Variants in KIF6 observed in about 807,000 individuals in gnomAD.
The protein encoded by KIF6 is kinesin family member 6.
KIF6 carries 106 observed loss-of-function variants against 112.7 expected under a neutral mutation model. That is an observed-to-expected ratio of 0.94 (90% CI 0.80 to 1.11). The LOEUF is 1.11. KIF6 is among the 50% of genes least tolerant of loss of function. The pLI is 0.00. For missense variants in KIF6, 929 were observed against 964.0 expected (o/e 0.96, Z 0.48); for synonymous variants, 339 against 339.9 (o/e 1.00, Z 0.03).
At chr6:39,382,113 T>A (rs1023333183) in intron 16 of KIF6, among the ~76,000 whole-genome samples, 3 of 152,210 alleles carry the variant, frequency 2.0e-5, no homozygotes, top group African/African-American at 7.2e-5. Context: ...AAGATGAAAA[T>A]TGCCCCTAGA....
intron 13 of KIF6, among the ~76,000 whole-genome samples, chr6:39,452,152 C>T (rs1213881291): frequency 3.9e-5 from 6 of 152,330 alleles, no homozygotes; most frequent in South Asian, 4.1e-4. Flanking sequence ...AGAAGCAGAA[C>T]TGGATTGTGG....
At position 39,635,937 on chromosome 6, in the gene KIF6, G is replaced by A. The variant is rs537701251; in HGVS notation, c.400-979C>T. 5.3e-5 allele frequency among the ~76,000 whole-genome samples: 8 copies of A among 152,142 alleles called. No homozygotes were observed. The South Asian group carries it at 8.3e-4, about 16-fold the overall frequency. ...GCAAGCAGGTTGCCAGGGTGTCAGA[G>A]TGTATACTAACAGAGAATTTGCTTA... On this transcript the variant is annotated intron_variant, in intron 4 of 22. Coordinates refer to ENST00000287152, the MANE Select transcript of KIF6 (RefSeq NM_145027.6).
At chr6:39,367,057 C>G (rs1253745402) in intron 16 of KIF6, among the ~76,000 whole-genome samples, 1 of 152,142 alleles carries the variant, frequency 6.6e-6, no homozygotes, top group African/African-American at 2.4e-5. Context: ...CTCCACGACA[C>G]AAACTACCCA....
At chr6:39,613,058 G>T in intron 6 of KIF6, 131 bp downstream of exon 6, 1 of 644,026 alleles carries the variant, frequency 1.6e-6, no homozygotes, top group Non-Finnish European at 2.3e-6. Flanking sequence ...TGCATGTGAG[G>T]TTTGGACGAG....
chr6:39,710,143 A>G (rs542997509), intron 3 of KIF6, among the ~76,000 whole-genome samples: 5 of 152,316 alleles, frequency 3.3e-5, no homozygotes, highest in Admixed American at 6.5e-5. Flanking sequence ...TCTGCCCCCA[A>G]CTGTCTATTC....
chr6:39,512,052 C>A (rs926754840), intron 13 of KIF6, among the ~76,000 whole-genome samples: 18 of 152,144 alleles, frequency 1.2e-4, no homozygotes, highest in Admixed American at 2.0e-4. Flanking sequence ...ATGTAACAAA[C>A]CTGCACGTTG....
intron 15 of KIF6, among the ~76,000 whole-genome samples, chr6:39,395,267 T>C (rs984908451): frequency 2.0e-5 from 3 of 152,226 alleles, no homozygotes; most frequent in Non-Finnish European, 4.4e-5. Flanking sequence ...CTTATTGATA[T>C]CACTATTTCT....
chr6:39,707,294 T>G (rs1443736358), intron 3 of KIF6, among the ~76,000 whole-genome samples: 2 of 152,014 alleles, frequency 1.3e-5, no homozygotes, highest in Non-Finnish European at 2.9e-5. Context: ...GAGTCACGGG[T>G]TTTTCCATGG....
intron 18 of KIF6, 74 bp downstream of exon 18, chr6:39,360,321 G>A (rs879838278): frequency 2.3e-5 from 36 of 1,558,070 alleles, no homozygotes; most frequent in East Asian, 1.6e-4. Flanking sequence ...AGCCCCCACT[G>A]TGTCTCTTGA....
chr6:39,357,300 C>A lies in KIF6; in HGVS notation c.2157G>T (p.Trp719Cys). The A allele has an allele frequency of 6.2e-7, 1 of 1,613,472 alleles. No homozygotes were observed. Among genetic ancestry groups the A allele is most frequent in the Non-Finnish European group, 8.5e-7 (1 of 1,179,492 alleles). The change falls in exon 19 of 23, where the codon TGG becomes TGT. Residue 719 changes from tryptophan (W) to cysteine (C), a missense_variant. Transcript: ENST00000287152. ...FLQTSDSQHE[W>C]SQLLSNKSSG... ...ACCTTTTGTTAGAGAGGAGTTGGGA[C>A]CATTCATGCTGGGAGTCAGATGTCT...
rs1311206815 is a variant in KIF6, at chr6:39,378,347, T to C, written c.1861+7275A>G. 6.6e-6 allele frequency among the ~76,000 whole-genome samples: 1 copy of C among 151,142 alleles called. No homozygotes were observed. The highest frequency in any genetic ancestry group is 2.4e-5 in the African/African-American group (1 of 41,014). ...CATACAACATATCCAACATACCACA[T>C]ACACACATACCACGTGCCACATATA... On this transcript the variant is annotated intron_variant, in intron 16 of 22. Coordinates refer to ENST00000287152, the MANE Select transcript of KIF6 (RefSeq NM_145027.6). This position sits in a 1 kb window ranked among gnomAD's most constrained non-coding sequence, Gnocchi z 5.0.
At chr6:39,632,360 TA>T (rs758010550) in intron 5 of KIF6, among the ~76,000 whole-genome samples, 13 of 152,094 alleles carry the variant, frequency 8.5e-5, no homozygotes, top group Non-Finnish European at 1.6e-4. Context: ...GCAAAAGAGA[TA>T]AAATGGGTAT....
chr6:39,720,704 A>C lies in KIF6; in HGVS notation c.174T>G (p.Phe58Leu). ...FVNNKRESYK[F>L]KFQRIFDQDA... ...AAAAAGGAGAAAGAAAAACTTACTT[A>C]AATTTGTAGCTTTCTCGCTTATTAT... Residue 58 changes from phenylalanine to leucine, a missense_variant and splice_region_variant, in exon 2 of 23, where the codon TTT (phenylalanine) becomes TTG (leucine). Around this residue, in one of 2 missense-constraint regions of KIF6, gnomAD observed 688 missense variants for 662.7 expected, o/e 1.04. Coordinates refer to ENST00000287152, the MANE Select transcript of KIF6 (RefSeq NM_145027.6). 6.5e-7 allele frequency: 1 copy of C among 1,535,596 alleles called. No homozygotes were observed. Among genetic ancestry groups the C allele is most frequent in the South Asian group, 1.1e-5 (1 of 89,356 alleles).
At chr6:39,411,384 C>T (rs1010002001) in intron 15 of KIF6, among the ~76,000 whole-genome samples, 1 of 152,206 alleles carries the variant, frequency 6.6e-6, no homozygotes, top group Non-Finnish European at 1.5e-5. Context: ...GTCATCACCA[C>T]ACATGTATCC....
intron 3 of KIF6, among the ~76,000 whole-genome samples, chr6:39,673,299 T>C (rs1317940898): frequency 6.6e-6 from 1 of 152,206 alleles, no homozygotes; most frequent in East Asian, 1.9e-4. Context: ...CCCTACATCC[T>C]ACCAAGTCTC....
Position 39,352,067 on chromosome 6 carries a change from A to G in KIF6, c.2180+5210T>C, listed in dbSNP as rs772884436. Among the ~76,000 whole-genome samples, 229 of 152,370 alleles carry G rather than the reference A, an allele frequency of 1.5e-3. 3 individuals carry two copies. The highest frequency in any genetic ancestry group is 1.2e-3 in the Admixed American group (19 of 15,306). ...GCTAAGCTGCCTGCATTGCCATGGC[A>G]TAGTGCAGCTGCCTAGTTATTCTGC... is the stretch of plus-strand genomic sequence containing the variant. On this transcript the variant is annotated intron_variant, in intron 19 of 22. Transcript: ENST00000287152.
At chr6:39,423,245 C>T (rs945607429) in intron 14 of KIF6, among the ~76,000 whole-genome samples, 3 of 152,110 alleles carry the variant, frequency 2.0e-5, no homozygotes, top group African/African-American at 4.8e-5. Context: ...CCTGGCTTCC[C>T]GTAACACCCA....
chr6:39,585,534 A>G (rs1008037685), intron 8 of KIF6, among the ~76,000 whole-genome samples: 3 of 152,200 alleles, frequency 2.0e-5, no homozygotes, highest in Non-Finnish European at 4.4e-5. Flanking sequence ...AAAATTACCA[A>G]TGACAAAAAG....
At chr6:39,687,319 C>T (rs1787934414) in intron 3 of KIF6, among the ~76,000 whole-genome samples, 1 of 152,156 alleles carries the variant, frequency 6.6e-6, no homozygotes, top group African/African-American at 2.4e-5. Context: ...GAAACTAGGT[C>T]ATTCTGAAAA....
Sources: gnomAD v4.1 joint callset for allele counts (sites outside exome capture counted in the v4.1 genomes callset) on GRCh38, gnomAD v4.1.1 for gene constraint, gnomAD v4.1.1 regional missense constraint, Gnocchi (gnomAD v3.1) non-coding constraint, MANE v1.5 for transcripts, NCBI Gene and HGNC (gene_info 2026-07-23, HGNC 2026-07-21) for gene names.